Variants in KCTD16 observed in about 807,000 individuals in gnomAD.
KCTD16 encodes the protein potassium channel tetramerization domain containing 16, also known as BTB/POZ domain-containing protein KCTD16.
KCTD16 carries 13 observed loss-of-function variants against 33.2 expected under a neutral mutation model. The observed-to-expected ratio is 0.39, with a 90% CI of 0.25 to 0.62. The LOEUF (loss-of-function observed/expected upper bound fraction) is 0.62. Among genes scored for constraint, KCTD16 ranks in the 20% least tolerant of loss-of-function variants. The pLI, the probability that KCTD16 is intolerant of heterozygous loss-of-function variation, is 0.50. For missense variants in KCTD16, 441 were observed against 525.1 expected, an observed-to-expected ratio of 0.84 and a Z score of 1.57; for synonymous variants, 197 against 195.3, an observed-to-expected ratio of 1.01 and a Z score of -0.07.
At chr5:144,230,879 A>T (rs1038140260) in intron 3 of KCTD16, among the ~76,000 whole-genome samples, 12 of 152,248 alleles carry the variant, frequency 7.9e-5, no homozygotes, top group Non-Finnish European at 1.6e-4. Flanking sequence ...CACAAGGAAC[A>T]GCATTCTAGG....
chr5:144,270,614 T>A (rs1580834740), intron 3 of KCTD16, among the ~76,000 whole-genome samples: 1 of 145,486 alleles, frequency 6.9e-6, no homozygotes. Flanking sequence ...CAACCTAATT[T>A]TACAAGTAAA....
At chr5:144,310,001 A>T (rs1751717261) in intron 3 of KCTD16, among the ~76,000 whole-genome samples, 1 of 149,794 alleles carries the variant, frequency 6.7e-6, no homozygotes, top group Non-Finnish European at 1.5e-5. Context: ...TTTCTTTCCA[A>T]CTATGTTTTG....
intron 3 of KCTD16, among the ~76,000 whole-genome samples, chr5:144,292,289 G>A (rs1208712190): frequency 6.6e-6 from 1 of 152,144 alleles, no homozygotes; most frequent in Non-Finnish European, 1.5e-5. Flanking sequence ...ATGAATGGAG[G>A]ACTGAGTAAC....
chr5:144,190,118 C>T (rs1445129702), intron 2 of KCTD16, among the ~76,000 whole-genome samples: 1 of 152,214 alleles, frequency 6.6e-6, no homozygotes, highest in Non-Finnish European at 1.5e-5. Context: ...TCACTCTTTC[C>T]TCTGTGTCTC....
intron 3 of KCTD16, among the ~76,000 whole-genome samples, chr5:144,226,819 C>T (rs565059533): frequency 2.0e-5 from 3 of 152,244 alleles, no homozygotes; most frequent in East Asian, 1.9e-4. Flanking sequence ...GTGATCTGCC[C>T]GCCTTGGCCT....
In KCTD16 at chr5:144,229,879, CATCTGTA is replaced by C. The variant is rs1380468957; in HGVS notation, c.832+22337_832+22343del. Reference sequence around the variant, plus strand: ...GTGCAAGGCTGGGTGCAGTGGCTCACATCTGTAATCCCAGCACTTTGGGAGGCCGAGG... The same window carrying C: ...GTGCAAGGCTGGGTGCAGTGGCTCACATCCCAGCACTTTGGGAGGCCGAGG... On this transcript the variant is annotated intron_variant, in intron 3 of 3. Transcript: ENST00000512467. Among the ~76,000 whole-genome samples the C allele has an allele frequency of 2.0e-5, 3 of 152,296 alleles. No homozygotes were observed. In the East Asian group the frequency reaches 5.8e-4, roughly 29 times the overall value.
intron 3 of KCTD16, among the ~76,000 whole-genome samples, chr5:144,323,466 G>A (rs887840465): frequency 1.3e-5 from 2 of 152,130 alleles, no homozygotes; most frequent in East Asian, 3.9e-4. Context: ...CCAAGTAAAG[G>A]GGAAAGAAAG....
At chr5:144,425,369 C>T (rs1293043986) in intron 3 of KCTD16, among the ~76,000 whole-genome samples, 1 of 151,930 alleles carries the variant, frequency 6.6e-6, no homozygotes, top group Non-Finnish European at 1.5e-5. Context: ...CCCAGCAGCT[C>T]TCTCAGGTTG....
At chr5:144,224,023 A>C (rs886593246) in intron 3 of KCTD16, among the ~76,000 whole-genome samples, 1 of 151,766 alleles carries the variant, frequency 6.6e-6, no homozygotes, top group African/African-American at 2.4e-5. Context: ...GGCTTTTTGC[A>C]TTTTTGTTCA....
chr5:144,298,083 G>A (rs142081909), intron 3 of KCTD16, among the ~76,000 whole-genome samples: 317 of 152,288 alleles, frequency 2.1e-3, no homozygotes, highest in African/African-American at 7.4e-3. Context: ...TTCCTGCATG[G>A]CTAAGTGCCC....
chr5:144,271,085 GATATTTAAAGA>G (rs1755280121), intron 3 of KCTD16, among the ~76,000 whole-genome samples: 3 of 151,896 alleles, frequency 2.0e-5, no homozygotes, highest in Admixed American at 2.0e-4. Flanking sequence ...CATTCTACCA[GATATTTAAAGA>G]ACAAACGCCA....
intron 3 of KCTD16, among the ~76,000 whole-genome samples, chr5:144,300,091 G>C: frequency 6.6e-6 from 1 of 151,910 alleles, no homozygotes; most frequent in Non-Finnish European, 1.5e-5. Context: ...GACTCTAAGG[G>C]AATTATTCTG....
chr5:144,185,078 A>G (rs1281538601), intron 2 of KCTD16, among the ~76,000 whole-genome samples: 1 of 152,228 alleles, frequency 6.6e-6, no homozygotes, highest in South Asian at 2.1e-4. Context: ...ACTTCCTTAT[A>G]AATGGATACT....
intron 3 of KCTD16, among the ~76,000 whole-genome samples, chr5:144,458,638 A>G (rs2126990438): frequency 6.6e-6 from 1 of 152,354 alleles, no homozygotes; most frequent in South Asian, 2.1e-4. Flanking sequence ...GGGGTCCAAT[A>G]GAAATCTATT....
Position 144,360,849 on chromosome 5 carries a change from C to T in KCTD16, c.833-112811C>T, listed in dbSNP as rs1751695016. ...CAACTCTTTGCTATTGTGAACATGG[C>T]TGCAATAAACACATGTGTACCTCTG... On this transcript the variant is annotated intron_variant, in intron 3 of 3. Transcript: ENST00000512467. Among the ~76,000 whole-genome samples the T allele has an allele frequency of 2.6e-5, 4 of 151,942 alleles. No individual in the cohort carries two copies. In the South Asian group the frequency reaches 8.3e-4, roughly 32 times the overall value.
At chr5:144,455,432 T>C (rs570056633) in intron 3 of KCTD16, among the ~76,000 whole-genome samples, 1 of 152,130 alleles carries the variant, frequency 6.6e-6, no homozygotes, top group Non-Finnish European at 1.5e-5. Context: ...TTGTGGTGAA[T>C]ATCACATTGG....
intron 2 of KCTD16, among the ~76,000 whole-genome samples, chr5:144,199,614 A>G (rs1048909669): frequency 1.3e-5 from 2 of 151,712 alleles, no homozygotes; most frequent in African/African-American, 2.4e-5. Flanking sequence ...ATGAGATCAC[A>G]GTTTTAAAAC....
intron 3 of KCTD16, among the ~76,000 whole-genome samples, chr5:144,379,185 G>T (rs1465547810): frequency 6.6e-6 from 1 of 152,072 alleles, no homozygotes; most frequent in African/African-American, 2.4e-5. Context: ...TGCCCATAAG[G>T]TTTTCCCATT....
chr5:144,284,452 G>T (rs1366361607), intron 3 of KCTD16, among the ~76,000 whole-genome samples: 4 of 152,180 alleles, frequency 2.6e-5, no homozygotes, highest in African/African-American at 7.2e-5. Flanking sequence ...TAGAAGAAAA[G>T]CTCAAAGGCT....
Sources: allele counts gnomAD v4.1 joint callset (sites outside exome capture counted in the v4.1 genomes callset), GRCh38; gene constraint gnomAD v4.1.1; transcripts MANE v1.5; gene names NCBI Gene and HGNC (gene_info 2026-07-23, HGNC 2026-07-21).